The following RIC8B variants were observed in gnomAD, a reference collection of about 807,000 sequenced individuals.
The protein encoded by RIC8B is chaperone Ric-8B.
Under a neutral mutation model 57.5 loss-of-function variants are expected in RIC8B, and 16 were observed. The observed-to-expected ratio is 0.28, with a 90% CI of 0.19 to 0.42. The LOEUF (loss-of-function observed/expected upper bound fraction) is 0.42. Ranked by LOEUF, RIC8B falls within the 10% of genes least tolerant of loss-of-function variation. The pLI, the probability that RIC8B is intolerant of heterozygous loss-of-function variation, is 1.00. For missense variants in RIC8B, 481 were observed against 677.0 expected, an observed-to-expected ratio of 0.71 and a Z score of 3.21; for synonymous variants, 216 against 250.8, an observed-to-expected ratio of 0.86 and a Z score of 1.31.
chr12:106,823,720 T>C (rs1433844646), intron 3 of RIC8B, among the ~76,000 whole-genome samples: 1 of 151,908 alleles, frequency 6.6e-6, no homozygotes, highest in African/African-American at 2.4e-5. Flanking sequence ...GTTTAGCTCT[T>C]GTAGCCCAGG....
At chr12:106,803,075 A>T (rs924899173) in intron 2 of RIC8B, among the ~76,000 whole-genome samples, 1 of 151,826 alleles carries the variant, frequency 6.6e-6, no homozygotes, top group African/African-American at 2.4e-5. Context: ...AGCTGAACAC[A>T]GTTAATTGGA....
chr12:106,791,917 C>T (rs1252667288), intron 2 of RIC8B, among the ~76,000 whole-genome samples: 1 of 151,982 alleles, frequency 6.6e-6, no homozygotes, highest in Non-Finnish European at 1.5e-5. Flanking sequence ...TTCTAAAAGC[C>T]CTTTGTCCTT....
At chr12:106,789,100 A>G (rs2044157208) in intron 2 of RIC8B, among the ~76,000 whole-genome samples, 1 of 152,148 alleles carries the variant, frequency 6.6e-6, no homozygotes, top group African/African-American at 2.4e-5. Context: ...CTCAAGTTCA[A>G]AGTTCCACAG....
At chr12:106,851,342 T>G in intron 6 of RIC8B, 108 bp from the exon 7 acceptor site, 1 of 308,844 alleles carries the variant, frequency 3.2e-6, no homozygotes. Context: ...TTTTTGCTCC[T>G]ACAATACAAA....
intron 8 of RIC8B, among the ~76,000 whole-genome samples, chr12:106,861,637 T>G (rs2136526200): frequency 6.6e-6 from 1 of 152,232 alleles, no homozygotes; most frequent in South Asian, 2.1e-4. Context: ...TATTTGAAGC[T>G]AAGATAGAGG....
chr12:106,873,101 T>G (rs1950517050), intron 9 of RIC8B: 1 of 985,230 alleles, frequency 1.0e-6, no homozygotes. Context: ...TACCCCAGCT[T>G]CCACCTGATT....
At chr12:106,874,488 G>A (rs1950581689) in intron 9 of RIC8B, 6 of 1,551,220 alleles carry the variant, frequency 3.9e-6, no homozygotes, top group Middle Eastern at 1.7e-4. Context: ...TAGGAGAGCA[G>A]ATGTGAAGGA....
chr12:106,850,387 T>C (rs978112932), intron 6 of RIC8B, among the ~76,000 whole-genome samples: 15 of 151,984 alleles, frequency 9.9e-5, no homozygotes, highest in African/African-American at 3.6e-4. Context: ...TATTCCAACA[T>C]TAACAAAACA....
At position 106,886,964 on chromosome 12, in the gene RIC8B, C is replaced by G. The variant is rs1488870028; in HGVS notation, c.*949C>G. 2 of 152,260 alleles carry G rather than the reference C, an allele frequency of 1.3e-5. No homozygotes were observed. Among genetic ancestry groups the G allele is most frequent in the Non-Finnish European group, 2.9e-5 (2 of 67,960 alleles). The allele number at this position is 152,260 out of a possible 1,614,324, so 9.4% of individuals were successfully genotyped here. ...GTGTGTGCTGGTGTGTGTGTGAGTT[C>G]TACGTTTCTACCATATGTGATCAGT... On this transcript the variant is annotated 3_prime_UTR_variant, in exon 10 of 10. Transcript: ENST00000392837.
chr12:106,886,605 CAGTT>C lies in RIC8B; in HGVS notation c.*593_*596del, dbSNP rs1258986863. The C allele has an allele frequency of 1.3e-5, 2 of 152,632 alleles. No homozygotes were observed. The highest frequency in any genetic ancestry group is 2.9e-5 in the Non-Finnish European group (2 of 68,062). The allele number at this position is 152,632 out of a possible 1,614,324, so 9.5% of individuals were successfully genotyped here. On this transcript the variant is annotated 3_prime_UTR_variant, in exon 10 of 10. Transcript: ENST00000392837. The stretch of plus-strand genomic sequence containing the variant: ...GATTATACTCTAAAAGTTTGTATGT[CAGTT>C]AGCTAAAACTTCAGAATACATTTCT...
chr12:106,837,814 G>C (rs2095776824), intron 4 of RIC8B, among the ~76,000 whole-genome samples: 1 of 152,012 alleles, frequency 6.6e-6, no homozygotes, highest in African/African-American at 2.4e-5. Flanking sequence ...GCTAATTTTT[G>C]TATTTTTAGT....
rs564135149 is a variant in RIC8B, at chr12:106,888,049, A to G, written c.*2034A>G. The G allele has an allele frequency of 6.5e-6, 1 of 152,764 alleles. No individual in the cohort carries two copies. The highest frequency in any genetic ancestry group is 2.4e-5 in the African/African-American group (1 of 41,580). 9.5% of individuals were successfully genotyped at this position (152,764 alleles called of 1,614,324 possible). ...TAGAAAAAATTTAAGTATTTTTGTT[A>G]TTCTACAAATGCATTTTTAAAGTAT... is the stretch of plus-strand genomic sequence containing the variant. On this transcript the variant is annotated 3_prime_UTR_variant, in exon 10 of 10. Coordinates refer to ENST00000392837, the MANE Select transcript of RIC8B (RefSeq NM_001330145.2).
rs35584850 is a variant in RIC8B at position 106,813,187 on chromosome 12, CTTTTTTT to C, written c.133-1493_133-1487del. On this transcript the variant is annotated intron_variant, in intron 2 of 9. Coordinates refer to ENST00000392837, the MANE Select transcript of RIC8B (RefSeq NM_001330145.2). ...CATAGGTTATATGCAAATACTATGC[CTTTTTTT>C]TTTTTTTTTTTTTTTGAGACAGAGT... Among the ~76,000 whole-genome samples the C allele has an allele frequency of 9.1e-3, 901 of 98,678 alleles. 8 individuals are homozygous for C. The highest frequency in any genetic ancestry group is 0.015 in the Non-Finnish European group (731 of 50,138). The allele number at this position is 98,678 out of a possible 152,430, so 64.7% of individuals were successfully genotyped here. A position where few individuals can be genotyped will look rare whatever the true frequency, so the allele number is the denominator to read the frequency against.
At chr12:106,791,578 C>T (rs1337004834) in intron 2 of RIC8B, among the ~76,000 whole-genome samples, 1 of 152,132 alleles carries the variant, frequency 6.6e-6, no homozygotes, top group African/African-American at 2.4e-5. Flanking sequence ...GTTCATTCTG[C>T]CATTTCAAAT....
chr12:106,795,973 CTG>C (rs2044463256), intron 2 of RIC8B, among the ~76,000 whole-genome samples: 1 of 152,096 alleles, frequency 6.6e-6, no homozygotes, highest in African/African-American at 2.4e-5. Flanking sequence ...ACTTTGAAAA[CTG>C]TAAAACATTG....
At chr12:106,876,284 T>TCTC (rs890113684) in intron 9 of RIC8B, among the ~76,000 whole-genome samples, 9 of 152,132 alleles carry the variant, frequency 5.9e-5, no homozygotes, top group Admixed American at 3.9e-4. Context: ...AAGTAAAATA[T>TCTC]CTCATTATTT....
At chr12:106,797,886 C>G in intron 2 of RIC8B, 1 of 455,168 alleles carries the variant, frequency 2.2e-6, no homozygotes, top group South Asian at 4.6e-5. Flanking sequence ...GGCTCCAAGA[C>G]CCGTGTGCTA....
In RIC8B at chr12:106,879,579, G is replaced by A. The variant is rs535239552; in HGVS notation, c.1572-6325G>A. 7.6e-5 allele frequency: 75 copies of A among 985,014 alleles called. 2 individuals carry two copies. In the South Asian group the frequency reaches 2.8e-3, roughly 36 times the overall value. 61.0% of individuals were successfully genotyped at this position (985,014 alleles called of 1,614,324 possible). ...ATATTTTAAATATGGTGTAAATTCCGTATCTCCCATCCCTAGCTCTTTAAG... is the reference window on the plus strand; with the variant it reads ...ATATTTTAAATATGGTGTAAATTCCATATCTCCCATCCCTAGCTCTTTAAG... On this transcript the variant is annotated intron_variant, in intron 9 of 9. Transcript: ENST00000392837. This position sits in a 1 kb window ranked among gnomAD's most constrained non-coding sequence, Gnocchi z 4.9.
chr12:106,874,475 C>G, intron 9 of RIC8B: 2 of 1,550,158 alleles, frequency 1.3e-6, no homozygotes, highest in Non-Finnish European at 1.7e-6. Context: ...TTTTTTCCAT[C>G]CATAGGAGAG....
Sources: allele counts gnomAD v4.1 joint callset (sites outside exome capture counted in the v4.1 genomes callset), GRCh38; gene constraint gnomAD v4.1.1; non-coding constraint Gnocchi (gnomAD v3.1); transcripts MANE v1.5; gene names NCBI Gene and HGNC (gene_info 2026-07-23, HGNC 2026-07-21).